ACOT11: variants seen among roughly 807,000 people sequenced by gnomAD.
The protein encoded by ACOT11 is acyl-CoA thioesterase 11, also known as acyl-coenzyme A thioesterase 11.
Under a neutral mutation model 77.5 loss-of-function variants are expected in ACOT11, and 69 were observed. The observed-to-expected ratio is 0.89, with a 90% CI of 0.73 to 1.09. The LOEUF (loss-of-function observed/expected upper bound fraction) is 1.09, where lower values mean the gene tolerates loss of function less well. Ranked by LOEUF, ACOT11 falls within the 50% of genes least tolerant of loss-of-function variation. The pLI is 0.00. For missense variants in ACOT11, 766 were observed against 813.7 expected, an observed-to-expected ratio of 0.94 and a Z score of 0.71; for synonymous variants, 279 against 313.0, an observed-to-expected ratio of 0.89 and a Z score of 1.15.
chr1:54,572,926 TGAG>T (rs1653974995), intron 1 of ACOT11: 1 of 984,178 alleles, frequency 1.0e-6, no homozygotes, highest in African/African-American at 1.7e-5. Context: ...CTCTGAGAGC[TGAG>T]AATTTATAAA....
At chr1:54,633,709 T>C (rs963713865) in intron 16 of ACOT11, among the ~76,000 whole-genome samples, 1 of 152,230 alleles carries the variant, frequency 6.6e-6, no homozygotes, top group Non-Finnish European at 1.5e-5. Flanking sequence ...AAACATTAAA[T>C]GATTTTCAAA....
chr1:54,622,017 T>C (rs1485169304), intron 15 of ACOT11, among the ~76,000 whole-genome samples: 1 of 152,172 alleles, frequency 6.6e-6, no homozygotes. Flanking sequence ...CTCATGCCTG[T>C]AATCCCAGCA....
At chr1:54,588,928 AG>A (rs1335260343) in intron 3 of ACOT11, among the ~76,000 whole-genome samples, 1 of 152,190 alleles carries the variant, frequency 6.6e-6, no homozygotes, top group Non-Finnish European at 1.5e-5. Flanking sequence ...GACACACCTG[AG>A]GAAAGATTAA....
At chr1:54,635,464 A>T (rs1644325870) in exon 17 of ACOT11, 1 of 231,720 alleles carries the variant, frequency 4.3e-6, no homozygotes, top group South Asian at 5.3e-5. Flanking sequence ...AATGCTCTTA[A>T]TAAGATCAAA....
chr1:54,555,547 T>C (rs1653230139), intron 1 of ACOT11, among the ~76,000 whole-genome samples: 1 of 152,184 alleles, frequency 6.6e-6, no homozygotes, highest in African/African-American at 2.4e-5. Flanking sequence ...ACTCTGTTGA[T>C]TGGTTCCTTT....
At position 54,628,600 on chromosome 1, in the gene ACOT11, C is replaced by G. The variant is rs141481354; in HGVS notation, c.1630-2134C>G. Among the ~76,000 whole-genome samples, 10 of 123,244 alleles carry G rather than the reference C, an allele frequency of 8.1e-5. 3 individuals carry two copies. In the East Asian group the frequency reaches 1.5e-3, roughly 19 times the overall value. 80.9% of individuals were successfully genotyped at this position (123,244 alleles called of 152,430 possible). A position where few individuals can be genotyped will look rare whatever the true frequency, so the allele number is the denominator to read the frequency against. On this transcript the variant is annotated intron_variant, in intron 15 of 16. Coordinates refer to the ACOT11 transcript ENST00000371316. The stretch of plus-strand genomic sequence containing the variant: ...TCAGAGCAAGACCCCATCGCCCCCC[C>G]CCCCCAAAAAAGGAAAAAAGAAACC...
intron 15 of ACOT11, chr1:54,621,517 G>A (rs1293431944): frequency 2.0e-5 from 3 of 152,176 alleles, no homozygotes; most frequent in Non-Finnish European, 4.4e-5. Flanking sequence ...AGAACGTTGG[G>A]ATCAGGTTGT....
In ACOT11 at chr1:54,627,805, G is replaced by A. The variant is rs546744687; in HGVS notation, c.1630-2929G>A. Among the ~76,000 whole-genome samples the A allele has an allele frequency of 1.5e-5, 2 of 133,370 alleles. 1 individual carries two copies. The highest frequency in any genetic ancestry group is 5.0e-4 in the South Asian group (2 of 3,992). 87.5% of individuals were successfully genotyped at this position (133,370 alleles called of 152,430 possible). On this transcript the variant is annotated intron_variant, in intron 15 of 16. Coordinates refer to the ACOT11 transcript ENST00000371316. ...GCTGACTCGGAGAACCATCAGGGAC[G>A]GGGGCTAGGGAAGACCTTCCAGACA...
chr1:54,548,678 C>A, intron 1 of ACOT11: 1 of 387,172 alleles, frequency 2.6e-6, no homozygotes, highest in South Asian at 3.2e-5. Context: ...TGTCTGAGCT[C>A]CATGGCCTTG....
chr1:54,592,435 C>A, intron 3 of ACOT11, 111 bp from the exon 4 acceptor site: 3 of 1,043,406 alleles, frequency 2.9e-6, no homozygotes, highest in Admixed American at 2.3e-5. Flanking sequence ...CCCTGCAAGC[C>A]ATGAAGTTAT....
intron 1 of ACOT11, among the ~76,000 whole-genome samples, chr1:54,554,354 T>A (rs1312736159): frequency 0.17 from 17,863 of 106,456 alleles, 2,022 homozygotes; most frequent in Middle Eastern, 0.33. Context: ...TATATATATT[T>A]TTTTTTTTTT....
chr1:54,601,202 T>C (rs985313410), intron 8 of ACOT11, 67 bp from the exon 9 acceptor site: 1 of 1,561,026 alleles, frequency 6.4e-7, no homozygotes, highest in Non-Finnish European at 8.7e-7. Context: ...TGAGTGTGTG[T>C]GTTGGGGAGG....
chr1:54,631,496 A>G (rs2101033979), intron 16 of ACOT11, among the ~76,000 whole-genome samples: 1 of 152,304 alleles, frequency 6.6e-6, no homozygotes, highest in African/African-American at 2.4e-5. Context: ...CAGTTCTTAC[A>G]ATTTAAAACT....
chr1:54,584,792 CACCA>C lies in ACOT11; in HGVS notation c.178_181del (p.Gln60ValfsTer4). ...TGAGCCAGCTGGTGCTGCCCTGCCA[CACCA>C]ACCAACGTGGTGAGCTGAGCGTCGG... On this transcript the variant is annotated frameshift_variant, in exon 2 of 16. Coordinates refer to ENST00000343744, the MANE Select transcript of ACOT11 (RefSeq NM_147161.4). LOFTEE classifies it high-confidence loss of function. This position sits in a 1 kb window ranked among gnomAD's most constrained non-coding sequence, Gnocchi z 6.3. The C allele has an allele frequency of 1.2e-6, 2 of 1,614,108 alleles. No individual in the cohort carries two copies. The highest frequency in any genetic ancestry group is 1.7e-6 in the Non-Finnish European group (2 of 1,180,032).
chr1:54,553,522 T>C (rs1653146866), intron 1 of ACOT11, among the ~76,000 whole-genome samples: 1 of 152,064 alleles, frequency 6.6e-6, no homozygotes, highest in Admixed American at 6.6e-5. Context: ...TTTTATCATG[T>C]ACAAATGATG....
Position 54,609,752 on chromosome 1 carries a change from A to G in ACOT11, c.*640A>G. The G allele has an allele frequency of 6.2e-7, 1 of 1,614,186 alleles. No homozygotes were observed. On this transcript the variant is annotated 3_prime_UTR_variant, in exon 16 of 16. Coordinates refer to ENST00000343744, the MANE Select transcript of ACOT11 (RefSeq NM_147161.4). The stretch of plus-strand genomic sequence containing the variant: ...GCTGGAGAGGCGTGCCAGCAAGGCC[A>G]GGGATGGCCGGAGGGCTGCGGGCTC...
At chr1:54,589,950 T>C (rs887984234) in intron 3 of ACOT11, among the ~76,000 whole-genome samples, 1 of 152,020 alleles carries the variant, frequency 6.6e-6, no homozygotes, top group African/African-American at 2.4e-5. Context: ...TCGCCGGGCA[T>C]GGTGGCAAGC....
intron 16 of ACOT11, among the ~76,000 whole-genome samples, chr1:54,633,455 C>T (rs1250166966): frequency 6.6e-6 from 1 of 152,146 alleles, no homozygotes; most frequent in Non-Finnish European, 1.5e-5. Flanking sequence ...AAAAATTGGC[C>T]TTTTAATAGT....
chr1:54,609,477 G>C lies in ACOT11; in HGVS notation c.*365G>C. 6.2e-7 allele frequency: 1 copy of C among 1,613,454 alleles called. No individual in the cohort carries two copies. The highest frequency in any genetic ancestry group is 1.7e-5 in the Admixed American group (1 of 60,032). On this transcript the variant is annotated 3_prime_UTR_variant, in exon 16 of 16. Coordinates refer to ENST00000343744, the MANE Select transcript of ACOT11 (RefSeq NM_147161.4). ...ATGGCTCCAGCTGTGCTGTGGCCCAGCAGCATGGCCTGCATCTGGAAGGAC... is the reference window on the plus strand; with the variant it reads ...ATGGCTCCAGCTGTGCTGTGGCCCACCAGCATGGCCTGCATCTGGAAGGAC...
Sources: gnomAD v4.1 joint callset for allele counts (sites outside exome capture counted in the v4.1 genomes callset) on GRCh38, gnomAD v4.1.1 for gene constraint, Gnocchi (gnomAD v3.1) non-coding constraint, MANE v1.5 for transcripts, NCBI Gene and HGNC (gene_info 2026-07-23, HGNC 2026-07-21) for gene names.